ARSK: variants seen among roughly 807,000 people sequenced by gnomAD.
ARSK encodes the protein arylsulfatase family member K.
Under a neutral mutation model 53.2 loss-of-function variants are expected in ARSK, and 37 were observed. That is an observed-to-expected ratio of 0.70 (90% CI 0.54 to 0.92). The LOEUF is 0.92. Among genes scored for constraint, ARSK ranks in the 40% least tolerant of loss-of-function variants. ARSK has a pLI of 0.00. For synonymous variants in ARSK, 208 were observed against 223.2 expected, an observed-to-expected ratio of 0.93 and a Z score of 0.61; for missense variants, 613 against 643.0, an observed-to-expected ratio of 0.95 and a Z score of 0.51.
Position 95,604,177 on chromosome 5 carries a change from T to G in ARSK, c.*651T>G, listed in dbSNP as rs957223356. 1.3e-5 allele frequency: 2 copies of G among 152,218 alleles called. No homozygotes were observed. Among genetic ancestry groups the G allele is most frequent in the Non-Finnish European group, 2.9e-5 (2 of 68,042 alleles). 9.4% of individuals were successfully genotyped at this position (152,218 alleles called of 1,614,324 possible). ...ATAGTTGTATGTGAGCATTTGATGG[T>G]GCTCGATGAGTTACTTGTATTTGAT... On this transcript the variant is annotated 3_prime_UTR_variant, in exon 8 of 8. Transcript: ENST00000380009.
rs1580210376 is a variant in ARSK at position 95,555,459 on chromosome 5, G to A, written c.126+55G>A. The A allele has an allele frequency of 6.5e-7, 1 of 1,537,522 alleles. No individual in the cohort carries two copies. On this transcript the variant is annotated intron_variant, in intron 1 of 7. Transcript: ENST00000380009. The surrounding 1 kb of genome is among the most constrained non-coding windows in gnomAD (Gnocchi z 4.0). Reference sequence around the variant, plus strand: ...CCCGCTGGGGATCGGCGACCTCACCGCCGCCGCCTGTGCTGCAGGCTTTGG... The same window carrying A: ...CCCGCTGGGGATCGGCGACCTCACCACCGCCGCCTGTGCTGCAGGCTTTGG...
chr5:95,558,106 A>T lies in ARSK; in HGVS notation c.126+2702A>T, dbSNP rs560761108. Among the ~76,000 whole-genome samples, 6 of 152,304 alleles carry T rather than the reference A, an allele frequency of 3.9e-5. 1 individual carries two copies. In the South Asian group the frequency reaches 1.2e-3, roughly 32 times the overall value. On this transcript the variant is annotated intron_variant, in intron 1 of 7. Coordinates refer to ENST00000380009, the MANE Select transcript of ARSK (RefSeq NM_198150.3). ...CTCACCAAAAGGGACAGGCTGTGAG[A>T]TTTCTCATCTTCTCCTAATCCAAGT...
intron 4 of ARSK, among the ~76,000 whole-genome samples, chr5:95,584,441 A>G (rs1391977789): frequency 6.6e-6 from 1 of 152,208 alleles, no homozygotes; most frequent in African/African-American, 2.4e-5. Context: ...TTATTTAACA[A>G]TACTGTGATA....
At chr5:95,563,437 C>A (rs1293352897) in intron 1 of ARSK, among the ~76,000 whole-genome samples, 1 of 152,128 alleles carries the variant, frequency 6.6e-6, no homozygotes, top group Non-Finnish European at 1.5e-5. Context: ...TTATATATAT[C>A]TCAGACAGCA....
chr5:95,557,960 T>TTAGCAAG (rs1184529567), intron 1 of ARSK, among the ~76,000 whole-genome samples: 1 of 152,168 alleles, frequency 6.6e-6, no homozygotes, highest in Non-Finnish European at 1.5e-5. Context: ...GAAAACTTGG[T>TTAGCAAG]AAGAATAGCA....
At chr5:95,596,777 T>C (rs747714865) in intron 6 of ARSK, among the ~76,000 whole-genome samples, 40 of 152,240 alleles carry the variant, frequency 2.6e-4, no homozygotes, top group Non-Finnish European at 1.3e-4. Flanking sequence ...CAAGAGGCTA[T>C]TGAAATTTAA....
chr5:95,592,033 T>C (rs1209417867), intron 6 of ARSK, among the ~76,000 whole-genome samples: 2 of 152,264 alleles, frequency 1.3e-5, no homozygotes, highest in Non-Finnish European at 2.9e-5. Context: ...TCAGACTCTT[T>C]AGATAGTTCT....
intron 1 of ARSK, among the ~76,000 whole-genome samples, chr5:95,559,626 A>T (rs1331820895): frequency 6.6e-6 from 1 of 152,244 alleles, no homozygotes; most frequent in African/African-American, 2.4e-5. Context: ...CCATGTGATC[A>T]TCTCAATAGA....
At chr5:95,560,741 G>T (rs141949680) in intron 1 of ARSK, among the ~76,000 whole-genome samples, 16 of 146,786 alleles carry the variant, frequency 1.1e-4, no homozygotes, top group Admixed American at 3.4e-4. Flanking sequence ...ACTCTTACAA[G>T]AAAACATAGG....
intron 7 of ARSK, among the ~76,000 whole-genome samples, chr5:95,602,509 G>A (rs1003846867): frequency 2.0e-5 from 3 of 152,040 alleles, no homozygotes; most frequent in Non-Finnish European, 4.4e-5. Context: ...ACTTAAGTAG[G>A]CCCATAGAGG....
rs753130138 is a variant in ARSK, at chr5:95,585,239, TA to T, written c.700-1322del. ...CACTGCTGGTGGGAATGTAAACTAG[TA>T]CAACCACGATGGAAAACAGTGTGGA... On this transcript the variant is annotated intron_variant, in intron 4 of 7. Transcript: ENST00000380009. Among the ~76,000 whole-genome samples, 4 of 152,182 alleles carry T rather than the reference TA, an allele frequency of 2.6e-5. No individual in the cohort carries two copies. In the South Asian group the frequency reaches 8.3e-4, roughly 32 times the overall value.
intron 6 of ARSK, among the ~76,000 whole-genome samples, chr5:95,598,984 C>T (rs557096205): frequency 6.6e-6 from 1 of 152,212 alleles, no homozygotes; most frequent in South Asian, 2.1e-4. Context: ...CACATACCCA[C>T]ATGCCTGCCA....
At chr5:95,572,117 T>C (rs1251645043) in intron 3 of ARSK, among the ~76,000 whole-genome samples, 1 of 152,196 alleles carries the variant, frequency 6.6e-6, no homozygotes, top group East Asian at 1.9e-4. Flanking sequence ...TGTACCAGTT[T>C]AGGAACACTA....
Position 95,586,443 on chromosome 5 carries a change from A to G in ARSK, c.700-119A>G, listed in dbSNP as rs113922805. 42 of 768,890 alleles carry G rather than the reference A, an allele frequency of 5.5e-5. 1 individual carries two copies. Among genetic ancestry groups the G allele is most frequent in the African/African-American group, 3.6e-4 (20 of 55,802 alleles). 47.6% of individuals were successfully genotyped at this position (768,890 alleles called of 1,614,324 possible). A position where few individuals can be genotyped will look rare whatever the true frequency, so the allele number is the denominator to read the frequency against. ...TTTGCTATTTTATTTACATATTTAC[A>G]CTGTTCTTTTCTACTATTCTAAGTA... On this transcript the variant is annotated intron_variant, in intron 4 of 7. Transcript: ENST00000380009.
intron 5 of ARSK, among the ~76,000 whole-genome samples, chr5:95,589,302 G>A (rs940364663): frequency 6.6e-5 from 10 of 152,168 alleles, no homozygotes; most frequent in South Asian, 4.1e-4. Flanking sequence ...AAGTTCCAGG[G>A]TACATGTGCA....
intron 4 of ARSK, among the ~76,000 whole-genome samples, chr5:95,584,643 C>T (rs929753038): frequency 6.6e-6 from 1 of 152,064 alleles, no homozygotes; most frequent in Non-Finnish European, 1.5e-5. Context: ...GCAATCTATA[C>T]ATCTGACAAA....
chr5:95,556,098 A>G, intron 1 of ARSK: 1 of 647,944 alleles, frequency 1.5e-6, no homozygotes, highest in East Asian at 2.8e-5. Flanking sequence ...ATTAATTGTA[A>G]TATTAGTTTA....
chr5:95,568,713 C>G (rs1389586881), intron 3 of ARSK, among the ~76,000 whole-genome samples: 1 of 152,198 alleles, frequency 6.6e-6, no homozygotes, highest in Non-Finnish European at 1.5e-5. Flanking sequence ...TGGCCCCTGT[C>G]TGGCATCTAG....
intron 6 of ARSK, among the ~76,000 whole-genome samples, chr5:95,594,935 A>G (rs1045363981): frequency 6.6e-6 from 1 of 152,216 alleles, no homozygotes; most frequent in African/African-American, 2.4e-5. Context: ...ATGTGACGTT[A>G]CATTTCATAT....
Sources: allele counts gnomAD v4.1 joint callset (sites outside exome capture counted in the v4.1 genomes callset), GRCh38; gene constraint gnomAD v4.1.1; non-coding constraint Gnocchi (gnomAD v3.1); transcripts MANE v1.5; gene names NCBI Gene and HGNC (gene_info 2026-07-23, HGNC 2026-07-21).